The following ETV6 variants were observed in gnomAD, a reference collection of about 807,000 sequenced individuals.
ETV6 encodes transcription factor ETV6.
ETV6 carries 16 observed loss-of-function variants against 51.1 expected under a neutral mutation model. The observed-to-expected ratio is 0.31, with a 90% CI of 0.21 to 0.48. The LOEUF is 0.48. Among genes scored for constraint, ETV6 ranks in the 20% least tolerant of loss-of-function variants. The pLI, the probability that ETV6 is intolerant of heterozygous loss-of-function variation, is 0.99. For synonymous variants in ETV6, 240 were observed against 224.1 expected (o/e 1.07, Z -0.64); for missense variants, 458 against 594.8 (o/e 0.77, Z 2.39).
At chr12:11,787,467 C>T (rs1161608214) in intron 2 of ETV6, among the ~76,000 whole-genome samples, 2 of 152,010 alleles carry the variant, frequency 1.3e-5, no homozygotes, top group African/African-American at 2.4e-5. Context: ...AAAGTGATGT[C>T]GATTGTGTGT....
chr12:11,802,862 C>T (rs2136405471), intron 2 of ETV6, among the ~76,000 whole-genome samples: 1 of 152,316 alleles, frequency 6.6e-6, no homozygotes, highest in East Asian at 1.9e-4. Flanking sequence ...AAAGTTTGGT[C>T]TCCTAATTAG....
chr12:11,760,922 ATG>A lies in ETV6; in HGVS notation c.163+8355_163+8356del, dbSNP rs200668135. On this transcript the variant is annotated intron_variant, in intron 2 of 7. Transcript: ENST00000396373. The stretch of plus-strand genomic sequence containing the variant: ...TGTGTGTGTGTGTATATAAAAGTAT[ATG>A]TGTGTGTGTGTATATATGTATATAT... Among the ~76,000 whole-genome samples, 1,129 of 119,476 alleles carry A rather than the reference ATG, an allele frequency of 9.4e-3. 10 individuals carry two copies. The highest frequency in any genetic ancestry group is 0.047 in the South Asian group (186 of 3,994). 78.4% of individuals were successfully genotyped at this position (119,476 alleles called of 152,430 possible).
intron 1 of ETV6, among the ~76,000 whole-genome samples, chr12:11,662,073 G>C (rs1864110526): frequency 6.6e-6 from 1 of 152,118 alleles, no homozygotes; most frequent in Admixed American, 6.5e-5. Context: ...TAGGGCACCT[G>C]GTAGTACACC....
At chr12:11,770,864 C>T (rs997207057) in intron 2 of ETV6, among the ~76,000 whole-genome samples, 3 of 151,852 alleles carry the variant, frequency 2.0e-5, no homozygotes, top group African/African-American at 7.3e-5. Context: ...TGTGCCACTG[C>T]ACTCCAGCCT....
chr12:11,793,658 T>C (rs1945637096), intron 2 of ETV6, among the ~76,000 whole-genome samples: 1 of 152,132 alleles, frequency 6.6e-6, no homozygotes, highest in Admixed American at 6.5e-5. Flanking sequence ...GCCTCCCTTC[T>C]CTTAGTATAT....
intron 1 of ETV6, among the ~76,000 whole-genome samples, chr12:11,660,595 T>G (rs1864083248): frequency 2.3e-5 from 1 of 43,482 alleles, no homozygotes; most frequent in African/African-American, 8.8e-5. Flanking sequence ...TGAGACTCTG[T>G]CTCAAAAAAA....
In ETV6 at chr12:11,690,364, CTT is replaced by C. The variant is rs1436932298; in HGVS notation, c.33+40207_33+40208del. The stretch of plus-strand genomic sequence containing the variant: ...GTAGTTTCATTTTTTTGTTGTTTCT[CTT>C]TTGATATTGGACTTTATATGCAAAG... On this transcript the variant is annotated intron_variant, in intron 1 of 7. Coordinates refer to ENST00000396373, the MANE Select transcript of ETV6 (RefSeq NM_001987.5). Among the ~76,000 whole-genome samples the C allele has an allele frequency of 6.6e-5, 10 of 152,054 alleles. No individual in the cohort carries two copies. In the East Asian group the frequency reaches 1.9e-3, roughly 29 times the overall value.
rs555875188 is a variant in ETV6 at position 11,843,010 on chromosome 12, G to T, written c.328+3706G>T. Among the ~76,000 whole-genome samples the T allele has an allele frequency of 2.6e-5, 4 of 152,304 alleles. No individual in the cohort carries two copies. The South Asian group carries it at 8.3e-4, about 32-fold the overall frequency. The stretch of plus-strand genomic sequence containing the variant: ...GGCCAGGGCTGGGAATAATAGATGT[G>T]AGCATCATACATCGTCTCCATTATG... On this transcript the variant is annotated intron_variant, in intron 3 of 7. Transcript: ENST00000396373.
chr12:11,715,909 T>C (rs1865266943), intron 1 of ETV6, among the ~76,000 whole-genome samples: 1 of 152,220 alleles, frequency 6.6e-6, no homozygotes, highest in African/African-American at 2.4e-5. Flanking sequence ...TATTTAGCAA[T>C]TCTTTTTTCA....
intron 5 of ETV6, among the ~76,000 whole-genome samples, chr12:11,874,767 T>G (rs1484125799): frequency 7.9e-5 from 12 of 151,028 alleles, no homozygotes; most frequent in African/African-American, 2.4e-4. Context: ...TTCTTTTCAT[T>G]ATCTATTATC....
chr12:11,886,092 T>TG (rs1420816680), intron 7 of ETV6, 66 bp downstream of exon 7: 2 of 1,176,200 alleles, frequency 1.7e-6, no homozygotes, highest in Admixed American at 1.7e-5. Context: ...TAACGGGGAG[T>TG]GGGGGGAGAC....
rs1491290450 is a variant in ETV6 at position 11,893,841 on chromosome 12, T to TATATAC, written c.*2796_*2797insTATACA. ...ATATATATATATATATATATATATA[T>TATATAC]ACACACACACACACATACACAAATA... On this transcript the variant is annotated 3_prime_UTR_variant, in exon 8 of 8. Transcript: ENST00000396373. 28 of 57,240 alleles carry TATATAC rather than the reference T, an allele frequency of 4.9e-4. No homozygotes were observed. Among genetic ancestry groups the TATATAC allele is most frequent in the African/African-American group, 1.5e-3 (24 of 15,628 alleles). The allele number at this position is 57,240 out of a possible 1,614,324, so 3.5% of individuals were successfully genotyped here. A position where few individuals can be genotyped will look rare whatever the true frequency, so the allele number is the denominator to read the frequency against.
Position 11,845,774 on chromosome 12 carries a change from C to T in ETV6, c.328+6470C>T, listed in dbSNP as rs563564462. On this transcript the variant is annotated intron_variant, in intron 3 of 7. Transcript: ENST00000396373. ...TAAGGAGGCCAAGGCGGGCAGATCA[C>T]GGGGTCAGGAGATCAAGACCATCCT... Among the ~76,000 whole-genome samples, 16 of 152,116 alleles carry T rather than the reference C, an allele frequency of 1.1e-4. 1 individual carries two copies. The highest frequency in any genetic ancestry group is 3.4e-3 in the Middle Eastern group (1 of 294).
intron 2 of ETV6, among the ~76,000 whole-genome samples, chr12:11,798,182 G>A (rs950159614): frequency 2.0e-5 from 3 of 152,178 alleles, no homozygotes; most frequent in Admixed American, 1.3e-4. Flanking sequence ...AAATTAGAAC[G>A]TAGGGTGATT....
intron 2 of ETV6, among the ~76,000 whole-genome samples, chr12:11,771,263 T>C (rs1332711289): frequency 6.6e-6 from 1 of 152,230 alleles, no homozygotes; most frequent in Non-Finnish European, 1.5e-5. Context: ...GTTTCTTTGG[T>C]CAACTAATGT....
chr12:11,711,344 A>G (rs1010042377), intron 1 of ETV6, among the ~76,000 whole-genome samples: 2 of 152,208 alleles, frequency 1.3e-5, no homozygotes, highest in Non-Finnish European at 2.9e-5. Context: ...ATGGCAGTAC[A>G]TCGAGAAGAC....
chr12:11,892,527 G>GTTTTTT lies in ETV6; in HGVS notation c.*1481_*1482insTTTTTT, dbSNP rs1947311096. ...GATTTTTTTTTTTTTTCCTTTTCTAGCCATCTAAATTGACTCTTCCAATAT... is the reference window on the plus strand; with the variant it reads ...GATTTTTTTTTTTTTTCCTTTTCTAGTTTTTTCCATCTAAATTGACTCTTCCAATAT... On this transcript the variant is annotated 3_prime_UTR_variant, in exon 8 of 8. Coordinates refer to ENST00000396373, the MANE Select transcript of ETV6 (RefSeq NM_001987.5). 1 of 227,858 alleles carries GTTTTTT rather than the reference G, an allele frequency of 4.4e-6. No homozygotes were observed. The highest frequency in any genetic ancestry group is 8.5e-6 in the Non-Finnish European group (1 of 116,980). The allele number at this position is 227,858 out of a possible 1,614,324, so 14.1% of individuals were successfully genotyped here. A position where few individuals can be genotyped will look rare whatever the true frequency, so the allele number is the denominator to read the frequency against.
intron 3 of ETV6, among the ~76,000 whole-genome samples, chr12:11,847,544 A>G (rs969033357): frequency 6.6e-6 from 1 of 152,224 alleles, no homozygotes; most frequent in African/African-American, 2.4e-5. Context: ...GAAAACCAGG[A>G]TAAGTGGAAA....
At chr12:11,723,392 G>A (rs541262283) in intron 1 of ETV6, among the ~76,000 whole-genome samples, 1 of 152,024 alleles carries the variant, frequency 6.6e-6, no homozygotes, top group Non-Finnish European at 1.5e-5. Flanking sequence ...CCTTTCCCAT[G>A]TCCTGCTTGC....
Sources: gnomAD v4.1 joint callset for allele counts (sites outside exome capture counted in the v4.1 genomes callset) on GRCh38, gnomAD v4.1.1 for gene constraint, MANE v1.5 for transcripts, NCBI Gene and HGNC (gene_info 2026-07-23, HGNC 2026-07-21) for gene names.